The following NOL10 variants were observed in gnomAD, a reference collection of about 807,000 sequenced individuals.
The protein encoded by NOL10 is nucleolar protein 10.
In NOL10, 58 loss-of-function variants were observed where a neutral mutation model predicts 103.5. The observed-to-expected ratio is 0.56, with a 90% CI of 0.45 to 0.70. The LOEUF (loss-of-function observed/expected upper bound fraction) is 0.70, where lower values mean the gene tolerates loss of function less well. Among genes scored for constraint, NOL10 ranks in the 30% least tolerant of loss-of-function variants. NOL10 has a pLI of 0.00. For synonymous variants in NOL10, 287 were observed against 282.5 expected (o/e 1.02, Z -0.16); for missense variants, 763 against 807.3 (o/e 0.95, Z 0.67).
intron 13 of NOL10, among the ~76,000 whole-genome samples, chr2:10,631,403 G>A (rs1033804503): frequency 6.6e-6 from 1 of 152,142 alleles, no homozygotes; most frequent in Non-Finnish European, 1.5e-5. Context: ...TCATACTCTA[G>A]ATGCAAAGCC....
intron 11 of NOL10, among the ~76,000 whole-genome samples, chr2:10,656,567 T>G (rs1679852176): frequency 6.6e-6 from 1 of 152,120 alleles, no homozygotes; most frequent in Non-Finnish European, 1.5e-5. Context: ...CTTCAGGAAT[T>G]AACAAAATGA....
intron 13 of NOL10, among the ~76,000 whole-genome samples, chr2:10,611,928 AC>A (rs1434363440): frequency 6.6e-6 from 1 of 152,080 alleles, no homozygotes; most frequent in Non-Finnish European, 1.5e-5. Flanking sequence ...GCTTAAAAAA[AC>A]AAAACAAAAC....
At chr2:10,651,976 T>G (rs1679491784) in intron 12 of NOL10, among the ~76,000 whole-genome samples, 1 of 152,146 alleles carries the variant, frequency 6.6e-6, no homozygotes, top group African/African-American at 2.4e-5. Flanking sequence ...GCGCAGTGGC[T>G]CACGCCTGTA....
At chr2:10,581,170 G>C (rs1674731304) in intron 19 of NOL10, among the ~76,000 whole-genome samples, 1 of 152,204 alleles carries the variant, frequency 6.6e-6, no homozygotes, top group Non-Finnish European at 1.5e-5. Flanking sequence ...TAACGAAGAT[G>C]TAAAAGATTC....
intron 19 of NOL10, among the ~76,000 whole-genome samples, chr2:10,580,794 A>C (rs1201753842): frequency 2.0e-5 from 3 of 152,104 alleles, no homozygotes. Flanking sequence ...GAGGTTTTGA[A>C]TCCCGCTGCA....
chr2:10,586,349 G>T (rs1198429806), intron 19 of NOL10, among the ~76,000 whole-genome samples: 1 of 151,894 alleles, frequency 6.6e-6, no homozygotes. Context: ...TGAACTGCAT[G>T]CTTTAAGCAG....
At chr2:10,676,306 A>G (rs1018763661) in intron 3 of NOL10, among the ~76,000 whole-genome samples, 4 of 152,244 alleles carry the variant, frequency 2.6e-5, no homozygotes, top group Non-Finnish European at 4.4e-5. Context: ...TTCAACTTAC[A>G]TAAATTGAAC....
intron 3 of NOL10, among the ~76,000 whole-genome samples, chr2:10,681,282 TA>T (rs36092643): frequency 0.31 from 44,849 of 144,574 alleles, 6,869 homozygotes; most frequent in South Asian, 0.49. Context: ...CTTTTGGTAA[TA>T]AAAAAAAAAA....
Position 10,659,197 on chromosome 2 carries a change from A to G in NOL10, c.731T>C (p.Met244Thr). The G allele has an allele frequency of 1.9e-6, 3 of 1,604,972 alleles. No individual in the cohort carries two copies. Among genetic ancestry groups the G allele is most frequent in the Non-Finnish European group, 2.6e-6 (3 of 1,175,426 alleles). ...CTGCCCTGTGGTTGTTCCAACTGCC[A>G]TGGTCAAGGCACCATTAAATTTCAA... ...SALKFNGALT[M>T]AVGTTTGQVL... The change falls in exon 10 of 21, where the codon ATG becomes ACG. Residue 244 changes from methionine (M) to threonine (T), a missense_variant. Physicochemically the swap from Met to Thr is moderately conservative, Grantham distance 81 (BLOSUM62 -1). Coordinates refer to ENST00000381685, the MANE Select transcript of NOL10 (RefSeq NM_024894.4).
chr2:10,685,529 A>T (rs1023710575), intron 1 of NOL10, among the ~76,000 whole-genome samples: 2 of 144,444 alleles, frequency 1.4e-5, no homozygotes, highest in Non-Finnish European at 3.0e-5. Flanking sequence ...AGAAAAAAAC[A>T]GGCTTAACCA....
At chr2:10,629,657 GCTTT>G (rs1677708869) in intron 13 of NOL10, among the ~76,000 whole-genome samples, 1 of 152,166 alleles carries the variant, frequency 6.6e-6, no homozygotes, top group African/African-American at 2.4e-5. Flanking sequence ...TGTTATCACT[GCTTT>G]CTGTTTCAAT....
chr2:10,622,608 T>C (rs1391245216), intron 13 of NOL10, among the ~76,000 whole-genome samples: 4 of 152,156 alleles, frequency 2.6e-5, no homozygotes, highest in Non-Finnish European at 1.5e-5. Context: ...TTTCAAGTAC[T>C]CTGTAAAGGA....
At chr2:10,581,575 C>A (rs557383389) in intron 19 of NOL10, among the ~76,000 whole-genome samples, 2 of 152,294 alleles carry the variant, frequency 1.3e-5, no homozygotes, top group East Asian at 3.9e-4. Flanking sequence ...GCCTGCAATT[C>A]CAGCATTTTG....
intron 7 of NOL10, 49 bp downstream of exon 7, chr2:10,668,609 T>A: frequency 2.0e-6 from 2 of 976,970 alleles, no homozygotes; most frequent in Non-Finnish European, 3.1e-6. Flanking sequence ...AGCATCTGGC[T>A]CCACCTCCTG....
chr2:10,663,564 G>T (rs149201059), intron 8 of NOL10, among the ~76,000 whole-genome samples: 278 of 152,058 alleles, frequency 1.8e-3, no homozygotes, highest in African/African-American at 6.5e-3. Context: ...ATTTTTATGG[G>T]AAAAGAAAAT....
chr2:10,656,449 GTCACCAGAACCTATGA>G (rs1193321321), intron 11 of NOL10, among the ~76,000 whole-genome samples: 5 of 152,194 alleles, frequency 3.3e-5, no homozygotes, highest in Non-Finnish European at 5.9e-5. Flanking sequence ...CATAAACAAA[GTCACCAGAACCTATGA>G]ATTAGGTGAG....
Position 10,657,770 on chromosome 2 carries a change from C to T in NOL10, c.878G>A (p.Arg293Gln), listed in dbSNP as rs1347809627. ...SLDLILSADSRIVKMWNKNSG... is the reference protein window; with the variant it reads ...SLDLILSADSQIVKMWNKNSG... Reference sequence around the variant, plus strand: ...GTTCTTATTCCACATCTTGACAATTCGAGAGTCAGCAGACAAAATCAGATC... The same window carrying T: ...GTTCTTATTCCACATCTTGACAATTTGAGAGTCAGCAGACAAAATCAGATC... Residue 293 changes from arginine (R) to glutamine (Q), a missense_variant, in exon 11 of 21, where the codon CGA (arginine) becomes CAA (glutamine). Physicochemically the swap from Arg to Gln is conservative, Grantham distance 43. Transcript: ENST00000381685. 6 of 1,550,730 alleles carry T rather than the reference C, an allele frequency of 3.9e-6. No individual in the cohort carries two copies. Among genetic ancestry groups the T allele is most frequent in the African/African-American group, 1.4e-5 (1 of 72,968 alleles).
chr2:10,578,530 GTC>G (rs1176174039), intron 19 of NOL10, among the ~76,000 whole-genome samples: 2 of 151,936 alleles, frequency 1.3e-5, no homozygotes, highest in Non-Finnish European at 2.9e-5. Context: ...TATAATCTGT[GTC>G]TCTGTTACAG....
chr2:10,679,620 TTCTC>T (rs562294840), intron 3 of NOL10, among the ~76,000 whole-genome samples: 117 of 144,114 alleles, frequency 8.1e-4, no homozygotes, highest in African/African-American at 2.6e-3. Flanking sequence ...TTCTCTCTCT[TTCTC>T]TCTCTTTCTT....
Sources: allele counts gnomAD v4.1 joint callset (sites outside exome capture counted in the v4.1 genomes callset), GRCh38; gene constraint gnomAD v4.1.1; transcripts MANE v1.5; gene names NCBI Gene and HGNC (gene_info 2026-07-23, HGNC 2026-07-21).